The following RHOQ variants were observed in gnomAD, a reference collection of about 807,000 sequenced individuals.
RHOQ encodes the protein rho-related GTP-binding protein RhoQ.
A neutral mutation model predicts 25.8 loss-of-function variants in RHOQ; 7 were observed. The ratio of observed to expected loss-of-function variants is 0.27; its 90% confidence interval spans 0.15 to 0.51. The LOEUF is 0.51. RHOQ is among the 20% of genes least tolerant of loss of function. RHOQ has a pLI of 0.97. For missense variants in RHOQ, 165 were observed against 260.6 expected (o/e 0.63, Z 2.53); for synonymous variants, 97 against 98.6 (o/e 0.98, Z 0.10).
At chr2:46,567,042 ATCCTC>A (rs1383154955) in intron 2 of RHOQ, among the ~76,000 whole-genome samples, 1 of 152,166 alleles carries the variant, frequency 6.6e-6, no homozygotes, top group Non-Finnish European at 1.5e-5. Context: ...CTTTTTACTT[ATCCTC>A]AAATGAAATC....
chr2:46,544,475 TTGTC>T (rs1190436592), intron 2 of RHOQ, among the ~76,000 whole-genome samples: 1 of 152,310 alleles, frequency 6.6e-6, no homozygotes, highest in Non-Finnish European at 1.5e-5. Flanking sequence ...CCAGGTGACT[TTGTC>T]TGGGTTTTCT....
Position 46,566,747 on chromosome 2 carries a change from G to C in RHOQ, c.202-9340G>C, listed in dbSNP as rs1668746864. On this transcript the variant is annotated intron_variant, in intron 2 of 4. Coordinates refer to ENST00000238738, the MANE Select transcript of RHOQ (RefSeq NM_012249.4). The surrounding 1 kb of genome is among the most constrained non-coding windows in gnomAD (Gnocchi z 4.2). ...TTTCCCTGTGGTCTTCAGTATGTCA[G>C]GGCTTTTCTGCCTTGGGACGTTTGC... is the stretch of plus-strand genomic sequence containing the variant. Among the ~76,000 whole-genome samples, 1 of 152,164 alleles carries C rather than the reference G, an allele frequency of 6.6e-6. No individual in the cohort carries two copies. The highest frequency in any genetic ancestry group is 1.5e-5 in the Non-Finnish European group (1 of 68,034).
At chr2:46,573,112 G>GTA (rs1668990074) in intron 2 of RHOQ, among the ~76,000 whole-genome samples, 1 of 149,164 alleles carries the variant, frequency 6.7e-6, no homozygotes. Context: ...TGCCCAGGCT[G>GTA]TAGTGCAGTG....
chr2:46,559,763 TG>T (rs1055131779), intron 2 of RHOQ, among the ~76,000 whole-genome samples: 2 of 152,168 alleles, frequency 1.3e-5, no homozygotes, highest in African/African-American at 4.8e-5. Flanking sequence ...GTCTTTTTAT[TG>T]GGGAACCTGT....
At chr2:46,580,112 A>C (rs1669297921) in intron 4 of RHOQ, 1 of 152,518 alleles carries the variant, frequency 6.6e-6, no homozygotes, top group East Asian at 1.9e-4. Flanking sequence ...ATGTAAGCGC[A>C]ATCATGTCAC....
chr2:46,566,807 C>G lies in RHOQ; in HGVS notation c.202-9280C>G, dbSNP rs1668749350. Among the ~76,000 whole-genome samples, 1 of 152,130 alleles carries G rather than the reference C, an allele frequency of 6.6e-6. No homozygotes were observed. ...CTTGTTGTCTGTCTCCTTAAGCGGT[C>G]CCTCAGGTCTCAGGTTGAACATCAC... On this transcript the variant is annotated intron_variant, in intron 2 of 4. Transcript: ENST00000238738. This position sits in a 1 kb window ranked among gnomAD's most constrained non-coding sequence, Gnocchi z 4.2.
rs1572762572 is a variant in RHOQ, at chr2:46,581,723, A to G, written c.*640A>G. On this transcript the variant is annotated 3_prime_UTR_variant, in exon 5 of 5. Coordinates refer to ENST00000238738, the MANE Select transcript of RHOQ (RefSeq NM_012249.4). ...AGAATGCCAAAAGTGTAATAAGGTC[A>G]TAACTGCATTTATCATGAACACTAA... is the stretch of plus-strand genomic sequence containing the variant. 2 of 1,290,852 alleles carry G rather than the reference A, an allele frequency of 1.5e-6. No individual in the cohort carries two copies. The highest frequency in any genetic ancestry group is 2.1e-6 in the Non-Finnish European group (2 of 961,394). 80.0% of individuals were successfully genotyped at this position (1,290,852 alleles called of 1,614,324 possible).
Position 46,566,597 on chromosome 2 carries a change from G to A in RHOQ, c.202-9490G>A, listed in dbSNP as rs1325418976. Among the ~76,000 whole-genome samples the A allele has an allele frequency of 3.3e-5, 5 of 152,036 alleles. No homozygotes were observed. Among genetic ancestry groups the A allele is most frequent in the African/African-American group, 4.8e-5 (2 of 41,380 alleles). ...TCTTCTCAAAGTAGCCTGGATTATC[G>A]TTTTCAAATTTTGTGACTTTTTTGC... On this transcript the variant is annotated intron_variant, in intron 2 of 4. Coordinates refer to ENST00000238738, the MANE Select transcript of RHOQ (RefSeq NM_012249.4). This position sits in a 1 kb window ranked among gnomAD's most constrained non-coding sequence, Gnocchi z 4.2.
Position 46,553,454 on chromosome 2 carries a change from T to C in RHOQ, c.201+9642T>C, listed in dbSNP as rs564579947. Among the ~76,000 whole-genome samples the C allele has an allele frequency of 2.0e-5, 3 of 152,334 alleles. No homozygotes were observed. In the Middle Eastern group the frequency reaches 0.01, roughly 518 times the overall value. On this transcript the variant is annotated intron_variant, in intron 2 of 4. Coordinates refer to ENST00000238738, the MANE Select transcript of RHOQ (RefSeq NM_012249.4). ...CATGGAGAATAGGGTATCCATCCCC[T>C]CAAGCAGTTACTCTTTGTGCTACAA...
intron 2 of RHOQ, among the ~76,000 whole-genome samples, chr2:46,547,838 G>A (rs1320758469): frequency 6.6e-6 from 1 of 152,238 alleles, no homozygotes; most frequent in Non-Finnish European, 1.5e-5. Flanking sequence ...GCGATGGGAA[G>A]TGGAAAGAGC....
chr2:46,572,107 G>GTTTTTTTTTTTTT lies in RHOQ; in HGVS notation c.202-3965_202-3953dup, dbSNP rs746265771. On this transcript the variant is annotated intron_variant, in intron 2 of 4. Coordinates refer to ENST00000238738, the MANE Select transcript of RHOQ (RefSeq NM_012249.4). ...GATTCTTATCAGGTGGTAAGTGTGT[G>GTTTTTTTTTTTTT]TTTTTTTTTTTTTTTTTTTTTTTTT... Among the ~76,000 whole-genome samples the GTTTTTTTTTTTTT allele has an allele frequency of 1.8e-4, 12 of 66,254 alleles. 4 individuals are homozygous for GTTTTTTTTTTTTT. Among genetic ancestry groups the GTTTTTTTTTTTTT allele is most frequent in the African/African-American group, 7.5e-4 (9 of 11,972 alleles). 43.5% of individuals were successfully genotyped at this position (66,254 alleles called of 152,430 possible).
intron 4 of RHOQ, among the ~76,000 whole-genome samples, chr2:46,578,905 TG>T (rs1669239864): frequency 2.0e-5 from 3 of 152,130 alleles, no homozygotes; most frequent in Non-Finnish European, 2.9e-5. Flanking sequence ...CGTGTGTGTG[TG>T]TGTATATGTA....
chr2:46,568,772 G>T (rs1189382296), intron 2 of RHOQ: 1 of 152,146 alleles, frequency 6.6e-6, no homozygotes, highest in Non-Finnish European at 1.5e-5. Flanking sequence ...TGAGAGCCCT[G>T]TGCCTACTCC....
At chr2:46,553,277 A>G (rs568250705) in intron 2 of RHOQ, among the ~76,000 whole-genome samples, 14 of 151,080 alleles carry the variant, frequency 9.3e-5, no homozygotes, top group African/African-American at 3.4e-4. Context: ...TTACATACAC[A>G]CTGTCCCTGG....
chr2:46,559,434 A>T (rs1040205239), intron 2 of RHOQ, among the ~76,000 whole-genome samples: 4 of 152,174 alleles, frequency 2.6e-5, no homozygotes, highest in Non-Finnish European at 5.9e-5. Context: ...TGTGTTTACA[A>T]GAGTGGCATT....
intron 4 of RHOQ, among the ~76,000 whole-genome samples, chr2:46,578,137 A>G (rs1669201331): frequency 6.6e-6 from 1 of 152,146 alleles, no homozygotes; most frequent in South Asian, 2.1e-4. Flanking sequence ...GAAGATAGGA[A>G]ATATGTTCAA....
At chr2:46,546,507 TATATGTATATACATATATATATATAC>T (rs1558680611) in intron 2 of RHOQ, among the ~76,000 whole-genome samples, 27 of 21,806 alleles carry the variant, frequency 1.2e-3, no homozygotes, top group African/African-American at 4.4e-3. Flanking sequence ...TATATATATA[TATATGTATATACATATATATATATAC>T]ACAAATCCTT....
At chr2:46,563,623 A>G (rs1668639759) in intron 2 of RHOQ, among the ~76,000 whole-genome samples, 2 of 152,288 alleles carry the variant, frequency 1.3e-5, no homozygotes, top group African/African-American at 4.8e-5. Context: ...CATATTGTGA[A>G]GAATTGATGT....
intron 2 of RHOQ, among the ~76,000 whole-genome samples, chr2:46,559,247 C>T (rs144030557): frequency 3.3e-5 from 5 of 152,256 alleles, no homozygotes; most frequent in South Asian, 2.1e-4. Context: ...CCACCTGCCT[C>T]GGCCTCTCAA....
Sources: allele counts gnomAD v4.1 joint callset (sites outside exome capture counted in the v4.1 genomes callset), GRCh38; gene constraint gnomAD v4.1.1; non-coding constraint Gnocchi (gnomAD v3.1); transcripts MANE v1.5; gene names NCBI Gene and HGNC (gene_info 2026-07-23, HGNC 2026-07-21).